ARIH1: variants seen among roughly 807,000 people sequenced by gnomAD.
ARIH1 encodes the protein E3 ubiquitin-protein ligase ARIH1.
A neutral mutation model predicts 85.0 loss-of-function variants in ARIH1; 8 were observed. That is an observed-to-expected ratio of 0.09 (90% CI 0.06 to 0.17). The LOEUF (loss-of-function observed/expected upper bound fraction) is 0.17. ARIH1 is among the 10% of genes least tolerant of loss of function. The pLI is 1.00. For synonymous variants in ARIH1, 238 were observed against 253.6 expected, an observed-to-expected ratio of 0.94 and a Z score of 0.59; for missense variants, 311 against 718.1, an observed-to-expected ratio of 0.43 and a Z score of 6.48.
At chr15:72,561,324 A>G (rs866995008) in intron 5 of ARIH1, 159 bp from the exon 6 acceptor site, 2 of 613,948 alleles carry the variant, frequency 3.3e-6, no homozygotes, top group Middle Eastern at 3.1e-4. Flanking sequence ...TCTGATCAGT[A>G]CAGTTATATT....
rs370856813 is a variant in ARIH1, at chr15:72,505,690, A to T, written c.376-12377A>T. On this transcript the variant is annotated intron_variant, in intron 1 of 13. Transcript: ENST00000379887. ...AAGGTTTGACCAAAGTTGCCATCTC[A>T]TTAACAAATTATGACCTGTTTCTCT... Among the ~76,000 whole-genome samples the T allele has an allele frequency of 2.6e-5, 4 of 152,276 alleles. No individual in the cohort carries two copies. In the East Asian group the frequency reaches 7.7e-4, roughly 29 times the overall value.
chr15:72,545,407 A>C (rs2064124489), intron 3 of ARIH1, among the ~76,000 whole-genome samples: 1 of 152,266 alleles, frequency 6.6e-6, no homozygotes, highest in African/African-American at 2.4e-5. Context: ...CACTTAATCA[A>C]ATCCATTCAA....
At chr15:72,577,468 T>C (rs1595874760) in intron 11 of ARIH1, among the ~76,000 whole-genome samples, 1 of 151,026 alleles carries the variant, frequency 6.6e-6, no homozygotes, top group Non-Finnish European at 1.5e-5. Flanking sequence ...AGGTTGGGAG[T>C]TTGAGACCAG....
In ARIH1 at chr15:72,474,427, C is replaced by A; in HGVS notation, c.-213C>A. On this transcript the variant is annotated 5_prime_UTR_variant, in exon 1 of 14. Coordinates refer to ENST00000379887, the MANE Select transcript of ARIH1 (RefSeq NM_005744.5). Reference sequence around the variant, plus strand: ...CTGACTGAGGCGGGCAGCAAGCGGCCCCCTCGCTCCCTCCCTCCCTCCTCC... The same window carrying A: ...CTGACTGAGGCGGGCAGCAAGCGGCACCCTCGCTCCCTCCCTCCCTCCTCC... The A allele has an allele frequency of 1.6e-6, 1 of 614,306 alleles. No homozygotes were observed. Among genetic ancestry groups the A allele is most frequent in the Non-Finnish European group, 2.7e-6 (1 of 366,980 alleles). The allele number at this position is 614,306 out of a possible 1,614,324, so 38.1% of individuals were successfully genotyped here.
chr15:72,484,802 CA>C (rs1331483114), intron 1 of ARIH1, among the ~76,000 whole-genome samples: 6 of 151,780 alleles, frequency 4.0e-5, no homozygotes, highest in Admixed American at 1.3e-4. Flanking sequence ...CACACACACA[CA>C]CACCACAGTT....
intron 2 of ARIH1, among the ~76,000 whole-genome samples, chr15:72,530,459 G>A (rs2064051111): frequency 6.6e-6 from 1 of 152,190 alleles, no homozygotes; most frequent in Non-Finnish European, 1.5e-5. Flanking sequence ...CTTAAAGACT[G>A]AAGATGATCT....
At chr15:72,580,684 A>G (rs2064292032) in intron 11 of ARIH1, 47 bp from the exon 12 acceptor site, 1 of 1,531,288 alleles carries the variant, frequency 6.5e-7, no homozygotes, top group South Asian at 1.3e-5. Context: ...TTTTATGTAC[A>G]GTTTATGTGT....
chr15:72,558,375 C>T (rs908138096), intron 5 of ARIH1, among the ~76,000 whole-genome samples: 10 of 152,194 alleles, frequency 6.6e-5, no homozygotes, highest in African/African-American at 1.9e-4. Flanking sequence ...CATATCGGCT[C>T]ACTGCAACCT....
At chr15:72,546,303 C>G (rs2064128664) in intron 3 of ARIH1, among the ~76,000 whole-genome samples, 1 of 152,086 alleles carries the variant, frequency 6.6e-6, no homozygotes, top group African/African-American at 2.4e-5. Flanking sequence ...AACTTGTTCA[C>G]ATGTACAAGT....
intron 1 of ARIH1, among the ~76,000 whole-genome samples, chr15:72,486,104 AT>A (rs949727843): frequency 2.4e-4 from 36 of 151,552 alleles, no homozygotes; most frequent in Admixed American, 8.5e-4. Context: ...TAAATTTTTA[AT>A]TTTTTTTTCC....
rs189615516 is a variant in ARIH1 at position 72,533,586 on chromosome 15, G to A, written c.444-11234G>A. On this transcript the variant is annotated intron_variant, in intron 2 of 13. Transcript: ENST00000379887. ...TTTGACCCAATAATTCCGCTCTCAGGTATATATCCAATAGAAAGAAATACG... is the reference window on the plus strand; with the variant it reads ...TTTGACCCAATAATTCCGCTCTCAGATATATATCCAATAGAAAGAAATACG... 9.7e-4 allele frequency among the ~76,000 whole-genome samples: 147 copies of A among 152,204 alleles called. 2 individuals are homozygous for A. Among genetic ancestry groups the A allele is most frequent in the Admixed American group, 9.0e-3 (137 of 15,290 alleles).
In ARIH1 at chr15:72,593,510, G is replaced by C. The variant is rs1194152339; in HGVS notation, c.*10218G>C. The C allele has an allele frequency of 6.6e-6, 1 of 152,194 alleles. No homozygotes were observed. Among genetic ancestry groups the C allele is most frequent in the East Asian group, 1.9e-4 (1 of 5,194 alleles). 9.4% of individuals were successfully genotyped at this position (152,194 alleles called of 1,614,324 possible). A position where few individuals can be genotyped will look rare whatever the true frequency, so the allele number is the denominator to read the frequency against. ...CATCTCAAATTAATTTTTGTGAACA[G>C]AATGAGGTTTGGTTTTTTTCCAACA... On this transcript the variant is annotated 3_prime_UTR_variant, in exon 14 of 14. Transcript: ENST00000379887.
Position 72,534,970 on chromosome 15 carries a change from T to TTTTTTTTTTTTTTTTTTG in ARIH1, c.444-9850_444-9849insTTTTTTTTTTTTTTTTTG, listed in dbSNP as rs1567349493. ...TTATTGTCTGTATTCTTTTTTTTTT[T>TTTTTTTTTTTTTTTTTTG]GAGACGGAGTCTCGCTGTCGCCCAG... is the stretch of plus-strand genomic sequence containing the variant. On this transcript the variant is annotated intron_variant, in intron 2 of 13. Transcript: ENST00000379887. 3.5e-5 allele frequency among the ~76,000 whole-genome samples: 4 copies of TTTTTTTTTTTTTTTTTTG among 114,620 alleles called. No homozygotes were observed. The East Asian group carries it at 8.8e-4, about 25-fold the overall frequency. 75.2% of individuals were successfully genotyped at this position (114,620 alleles called of 152,430 possible). A position where few individuals can be genotyped will look rare whatever the true frequency, so the allele number is the denominator to read the frequency against.
rs1359529540 is a variant in ARIH1 at position 72,582,221 on chromosome 15, C to G, written c.1589+34C>G. Reference sequence around the variant, plus strand: ...TTTTTAAGCTGTTGAATAAAACTTTCTGCCAGTGATGATCCTTACTGGTAA... The same window carrying G: ...TTTTTAAGCTGTTGAATAAAACTTTGTGCCAGTGATGATCCTTACTGGTAA... On this transcript the variant is annotated intron_variant, in intron 13 of 13. Transcript: ENST00000379887. This position sits in a 1 kb window ranked among gnomAD's most constrained non-coding sequence, Gnocchi z 4.6. 6.8e-7 allele frequency: 1 copy of G among 1,460,764 alleles called. No individual in the cohort carries two copies. Among genetic ancestry groups the G allele is most frequent in the Admixed American group, 1.8e-5 (1 of 57,030 alleles). 90.5% of individuals were successfully genotyped at this position (1,460,764 alleles called of 1,614,324 possible). A position where few individuals can be genotyped will look rare whatever the true frequency, so the allele number is the denominator to read the frequency against.
intron 1 of ARIH1, among the ~76,000 whole-genome samples, chr15:72,509,241 C>T (rs577438354): frequency 4.0e-5 from 6 of 151,580 alleles, no homozygotes; most frequent in Admixed American, 2.6e-4. Context: ...TCACCTGCCT[C>T]GGTCTCCCAA....
At chr15:72,551,419 C>A (rs1038810895) in intron 3 of ARIH1, among the ~76,000 whole-genome samples, 1 of 151,890 alleles carries the variant, frequency 6.6e-6, no homozygotes, top group Non-Finnish European at 1.5e-5. Context: ...TAGTGTATTA[C>A]AGAGGAGGCA....
At chr15:72,521,061 T>C (rs2063997373) in intron 2 of ARIH1, among the ~76,000 whole-genome samples, 1 of 151,936 alleles carries the variant, frequency 6.6e-6, no homozygotes, top group Non-Finnish European at 1.5e-5. Context: ...CCCAGGCTGG[T>C]CTCAAACTCC....
chr15:72,586,535 A>C lies in ARIH1; in HGVS notation c.*3243A>C, dbSNP rs2064317736. On this transcript the variant is annotated 3_prime_UTR_variant, in exon 14 of 14. Coordinates refer to ENST00000379887, the MANE Select transcript of ARIH1 (RefSeq NM_005744.5). ...GGAAAGAACATTCCTAATTCTAATAAAATAAACTTTTATTTTGTTATTCCA... is the reference window on the plus strand; with the variant it reads ...GGAAAGAACATTCCTAATTCTAATACAATAAACTTTTATTTTGTTATTCCA... 1 of 152,238 alleles carries C rather than the reference A, an allele frequency of 6.6e-6. No homozygotes were observed. The highest frequency in any genetic ancestry group is 2.4e-5 in the African/African-American group (1 of 41,452). 9.4% of individuals were successfully genotyped at this position (152,238 alleles called of 1,614,324 possible). A position where few individuals can be genotyped will look rare whatever the true frequency, so the allele number is the denominator to read the frequency against.
chr15:72,479,633 C>G (rs1030022997), intron 1 of ARIH1, among the ~76,000 whole-genome samples: 4 of 152,092 alleles, frequency 2.6e-5, no homozygotes, highest in Admixed American at 6.6e-5. Flanking sequence ...GTCTCAACCT[C>G]TTGACCTCGT....
Sources: allele counts gnomAD v4.1 joint callset (sites outside exome capture counted in the v4.1 genomes callset), GRCh38; gene constraint gnomAD v4.1.1; non-coding constraint Gnocchi (gnomAD v3.1); transcripts MANE v1.5; gene names NCBI Gene and HGNC (gene_info 2026-07-23, HGNC 2026-07-21).